The following CASTOR2 variants were observed in gnomAD, a reference collection of about 807,000 sequenced individuals.
CASTOR2 encodes the protein cytosolic arginine sensor for mTORC1 subunit 2, also known as GATS protein like 2.
A neutral mutation model predicts 31.2 loss-of-function variants in CASTOR2; 8 were observed. The ratio of observed to expected loss-of-function variants is 0.26; its 90% confidence interval spans 0.15 to 0.46. The LOEUF is 0.46. Ranked by LOEUF, CASTOR2 falls within the 20% of genes least tolerant of loss-of-function variation. The pLI is 0.99. For missense variants in CASTOR2, 216 were observed against 382.1 expected (o/e 0.57, Z 3.62); for synonymous variants, 162 against 158.7 (o/e 1.02, Z -0.16).
At chr7:75,000,800 T>TG (rs1444740293) in intron 1 of CASTOR2, among the ~76,000 whole-genome samples, 3 of 151,834 alleles carry the variant, frequency 2.0e-5, no homozygotes, top group Non-Finnish European at 4.4e-5. Flanking sequence ...GGACTACAGG[T>TG]GTGCACCACC....
At chr7:74,987,702 T>C (rs1329455233) in intron 1 of CASTOR2, among the ~76,000 whole-genome samples, 2 of 152,040 alleles carry the variant, frequency 1.3e-5, no homozygotes, top group East Asian at 3.9e-4. Context: ...TTCTGTCTGG[T>C]TTTCTTTTTT....
chr7:74,997,437 CT>C (rs879150708), intron 1 of CASTOR2, among the ~76,000 whole-genome samples: 387 of 137,858 alleles, frequency 2.8e-3, no homozygotes, highest in Admixed American at 3.9e-3. Context: ...AAAGCATTGC[CT>C]TTTTTTTTTT....
intron 2 of CASTOR2, among the ~76,000 whole-genome samples, chr7:75,016,051 G>A (rs1434341025): frequency 1.3e-5 from 2 of 152,072 alleles, no homozygotes; most frequent in Admixed American, 6.6e-5. Flanking sequence ...GGGTGACAGA[G>A]TGAGGCTCCA....
chr7:75,003,360 A>T (rs1482709563), intron 1 of CASTOR2, among the ~76,000 whole-genome samples: 3 of 151,708 alleles, frequency 2.0e-5, no homozygotes, highest in African/African-American at 7.3e-5. Flanking sequence ...CTGAGCTAGG[A>T]GGATTGCTTG....
At position 75,030,399 on chromosome 7, in the gene CASTOR2, C is replaced by T. The variant is rs1412774271; in HGVS notation, c.*5700C>T. ...GGTGAGTGAGGGCAGGACTCGAATG[C>T]AGACCCTGGCTCCAGGGGAGAGGGT... On this transcript the variant is annotated 3_prime_UTR_variant, in exon 9 of 9. Coordinates refer to ENST00000616305, the MANE Select transcript of CASTOR2 (RefSeq NM_001145064.3). Among the ~76,000 whole-genome samples, 2 of 152,142 alleles carry T rather than the reference C, an allele frequency of 1.3e-5. No homozygotes were observed. The highest frequency in any genetic ancestry group is 2.9e-5 in the Non-Finnish European group (2 of 68,024).
intron 7 of CASTOR2, among the ~76,000 whole-genome samples, chr7:75,022,206 T>C (rs983021590): frequency 6.6e-6 from 1 of 152,152 alleles, no homozygotes; most frequent in Admixed American, 6.5e-5. Flanking sequence ...ATGTTGCTTA[T>C]TATTAGAAAA....
intron 1 of CASTOR2, among the ~76,000 whole-genome samples, chr7:74,992,379 A>G (rs1419417421): frequency 6.6e-6 from 1 of 152,100 alleles, no homozygotes; most frequent in African/African-American, 2.4e-5. Flanking sequence ...AGGTGGGAGG[A>G]TGGCTTGAGG....
At chr7:75,019,322 C>A (rs1804938818) in intron 5 of CASTOR2, among the ~76,000 whole-genome samples, 1 of 151,774 alleles carries the variant, frequency 6.6e-6, no homozygotes, top group South Asian at 2.1e-4. Flanking sequence ...GTAGGAGACA[C>A]AGACCCGCCC....
At chr7:75,021,810 G>C in intron 6 of CASTOR2, 64 bp from the exon 7 acceptor site, 1 of 1,544,682 alleles carries the variant, frequency 6.5e-7, no homozygotes, top group Non-Finnish European at 8.8e-7. Flanking sequence ...TGGTGCACCA[G>C]CACACCAAGG....
At chr7:74,989,855 A>G (rs1584464101) in intron 1 of CASTOR2, among the ~76,000 whole-genome samples, 1 of 152,242 alleles carries the variant, frequency 6.6e-6, no homozygotes, top group Non-Finnish European at 1.5e-5. Flanking sequence ...GGCTGCCTCC[A>G]GTTGTTGGGA....
Position 75,026,201 on chromosome 7 carries a change from T to TTTTTTTTTTTTTTTTTTTTTTTTTTG in CASTOR2, c.*1507_*1508insTTTTTTTTTTTTTTTTTTTTGTTTTT, listed in dbSNP as rs1805127748. 6.8e-6 allele frequency among the ~76,000 whole-genome samples: 1 copy of TTTTTTTTTTTTTTTTTTTTTTTTTTG among 147,570 alleles called. No homozygotes were observed. The highest frequency in any genetic ancestry group is 1.5e-5 in the Non-Finnish European group (1 of 66,536). Reference sequence around the variant, plus strand: ...GGCTCTGGCGGGGGTTTTTTTTTTTTTTTTTGAGATGGGAGTCTGGCTCTG... The same window carrying TTTTTTTTTTTTTTTTTTTTTTTTTTG: ...GGCTCTGGCGGGGGTTTTTTTTTTTTTTTTTTTTTTTTTTTTTTTTTTTTTGTTTTTGAGATGGGAGTCTGGCTCTG... On this transcript the variant is annotated 3_prime_UTR_variant, in exon 9 of 9. Coordinates refer to ENST00000616305, the MANE Select transcript of CASTOR2 (RefSeq NM_001145064.3).
chr7:74,972,676 T>G (rs1177020346), intron 1 of CASTOR2, among the ~76,000 whole-genome samples: 9 of 150,750 alleles, frequency 6.0e-5, no homozygotes, highest in African/African-American at 1.7e-4. Flanking sequence ...CTTTTGTTTT[T>G]TTTGTTTGTT....
At position 75,028,416 on chromosome 7, in the gene CASTOR2, C is replaced by T. The variant is rs1295353617; in HGVS notation, c.*3717C>T. Among the ~76,000 whole-genome samples the T allele has an allele frequency of 4.6e-5, 7 of 152,066 alleles. No homozygotes were observed. Among genetic ancestry groups the T allele is most frequent in the South Asian group, 2.1e-4 (1 of 4,820 alleles). ...GATTACAGGCATGAGCCACCGTGCC[C>T]GGCCTCATGGAATTTCTAGGGGTGA... On this transcript the variant is annotated 3_prime_UTR_variant, in exon 9 of 9. Transcript: ENST00000616305.
intron 1 of CASTOR2, among the ~76,000 whole-genome samples, chr7:74,990,029 T>G (rs1804168388): frequency 6.6e-6 from 1 of 151,984 alleles, no homozygotes. Context: ...ACGCTGAGTT[T>G]GGGGTTAAAA....
chr7:75,020,572 G>C (rs1584477880), intron 6 of CASTOR2, among the ~76,000 whole-genome samples: 1 of 148,822 alleles, frequency 6.7e-6, no homozygotes, highest in African/African-American at 2.5e-5. Context: ...CTCACTGCAA[G>C]CTCCACCTCC....
chr7:75,024,148 G>A (rs1312065659), intron 7 of CASTOR2, among the ~76,000 whole-genome samples: 1 of 152,102 alleles, frequency 6.6e-6, no homozygotes, highest in African/African-American at 2.4e-5. Context: ...AAATTAGCTG[G>A]GCATGGTGGT....
chr7:75,007,466 C>A (rs1488760241), intron 1 of CASTOR2, among the ~76,000 whole-genome samples: 2 of 152,104 alleles, frequency 1.3e-5, no homozygotes, highest in African/African-American at 4.8e-5. Flanking sequence ...TGGCTGCATT[C>A]CTCTCTCTTT....
Position 75,024,926 on chromosome 7 carries a change from C to A in CASTOR2, c.*227C>A. ...AGCCCCCCGACCCTCCAGAGAACGA[C>A]CTTTCTCTTCCCTACCTCCCCCACC... On this transcript the variant is annotated 3_prime_UTR_variant, in exon 9 of 9. Coordinates refer to ENST00000616305, the MANE Select transcript of CASTOR2 (RefSeq NM_001145064.3). 2.9e-6 allele frequency: 3 copies of A among 1,019,900 alleles called. No homozygotes were observed. The highest frequency in any genetic ancestry group is 4.3e-6 in the Non-Finnish European group (3 of 700,914). The allele number at this position is 1,019,900 out of a possible 1,614,324, so 63.2% of individuals were successfully genotyped here. A position where few individuals can be genotyped will look rare whatever the true frequency, so the allele number is the denominator to read the frequency against.
At chr7:74,973,433 C>T (rs868980680) in intron 1 of CASTOR2, among the ~76,000 whole-genome samples, 2 of 109,540 alleles carry the variant, frequency 1.8e-5, no homozygotes, top group South Asian at 7.2e-4. Context: ...CTCTGTCTCC[C>T]AGGTTCAAGC....
Sources: allele counts gnomAD v4.1 joint callset (sites outside exome capture counted in the v4.1 genomes callset), GRCh38; gene constraint gnomAD v4.1.1; transcripts MANE v1.5; gene names NCBI Gene and HGNC (gene_info 2026-07-23, HGNC 2026-07-21).